ARHGEF3: variants seen among roughly 807,000 people sequenced by gnomAD.
ARHGEF3 encodes the protein 59.8 kDA protein.
Under a neutral mutation model 63.2 loss-of-function variants are expected in ARHGEF3, and 28 were observed. The observed-to-expected ratio is 0.44, with a 90% confidence interval of 0.33 to 0.61. The LOEUF is 0.61. ARHGEF3 is among the 20% of genes least tolerant of loss of function. ARHGEF3 has a pLI of 0.03. For synonymous variants in ARHGEF3, 266 were observed against 254.2 expected (o/e 1.05, Z -0.44); for missense variants, 533 against 659.3 (o/e 0.81, Z 2.10).
intron 2 of ARHGEF3, among the ~76,000 whole-genome samples, chr3:57,012,027 T>G (rs1005222326): frequency 6.6e-6 from 1 of 152,078 alleles, no homozygotes; most frequent in African/African-American, 2.4e-5. Context: ...AAGAGGGACA[T>G]GTGCCTTCTG....
At chr3:56,771,700 G>A (rs111770170) in intron 2 of ARHGEF3, among the ~76,000 whole-genome samples, 1 of 152,336 alleles carries the variant, frequency 6.6e-6, no homozygotes, top group Non-Finnish European at 1.5e-5. Context: ...AATGCCTGAT[G>A]AGGATTCACT....
intron 2 of ARHGEF3, chr3:56,977,133 G>C (rs560085562): frequency 7.3e-6 from 3 of 411,018 alleles, no homozygotes; most frequent in Non-Finnish European, 1.5e-5. Context: ...AGCTACTAAA[G>C]GGTAAGGCCA....
At chr3:56,901,500 T>A (rs2041507608) in intron 3 of ARHGEF3, among the ~76,000 whole-genome samples, 1 of 151,900 alleles carries the variant, frequency 6.6e-6, no homozygotes, top group Non-Finnish European at 1.5e-5. Context: ...TTCTATTAAG[T>A]CATTGTGAAC....
chr3:56,909,398 C>T (rs2041793624), intron 3 of ARHGEF3, among the ~76,000 whole-genome samples: 1 of 152,192 alleles, frequency 6.6e-6, no homozygotes, highest in Non-Finnish European at 1.5e-5. Context: ...TGAACCTGTG[C>T]TTGGCTGGTG....
intron 3 of ARHGEF3, among the ~76,000 whole-genome samples, chr3:56,945,479 C>A (rs184517780): frequency 9.2e-5 from 14 of 152,298 alleles, no homozygotes; most frequent in Admixed American, 2.0e-4. Flanking sequence ...TATCCTGTGC[C>A]TGGCTTGGAG....
rs552110409 is a variant in ARHGEF3, at chr3:56,826,192, A to C, written c.193-52376T>G. 2.0e-5 allele frequency among the ~76,000 whole-genome samples: 3 copies of C among 152,322 alleles called. No individual in the cohort carries two copies. The South Asian group carries it at 6.2e-4, about 32-fold the overall frequency. On this transcript the variant is annotated intron_variant, in intron 4 of 12. Coordinates refer to the ARHGEF3 transcript ENST00000338458. ...TGAGGAGAAAAAGAGATTCCTAAGC[A>C]AAAATAAGCACCTGGATCCAGCCAT...
chr3:57,027,519 G>C (rs898320074), intron 2 of ARHGEF3, among the ~76,000 whole-genome samples: 1 of 152,152 alleles, frequency 6.6e-6, no homozygotes, highest in East Asian at 1.9e-4. Flanking sequence ...AAGAACAGGT[G>C]GGGTGGTGAG....
intron 4 of ARHGEF3, among the ~76,000 whole-genome samples, chr3:56,815,767 G>T (rs2038247149): frequency 6.6e-6 from 1 of 152,156 alleles, no homozygotes; most frequent in Non-Finnish European, 1.5e-5. Context: ...CTTCCTACAG[G>T]CCTGTTATGA....
chr3:56,926,344 C>G (rs903965418), intron 3 of ARHGEF3, among the ~76,000 whole-genome samples: 1 of 152,180 alleles, frequency 6.6e-6, no homozygotes, highest in African/African-American at 2.4e-5. Context: ...AGTTCCAACT[C>G]CACCCTGCAG....
chr3:57,006,921 A>T (rs74514790), intron 2 of ARHGEF3, among the ~76,000 whole-genome samples: 3,399 of 152,104 alleles, frequency 0.022, 113 homozygotes, highest in African/African-American at 0.076. Context: ...CTGCTTAGGG[A>T]TCTTTAAGCC....
chr3:56,969,104 G>C (rs1700793624), intron 2 of ARHGEF3, among the ~76,000 whole-genome samples: 1 of 152,116 alleles, frequency 6.6e-6, no homozygotes, highest in Admixed American at 6.6e-5. Context: ...TACTACATCT[G>C]TAAATACCAA....
chr3:56,868,377 GAGA>G (rs2040327169), intron 4 of ARHGEF3, among the ~76,000 whole-genome samples: 1 of 129,168 alleles, frequency 7.7e-6, no homozygotes, highest in Non-Finnish European at 1.6e-5. Flanking sequence ...TTTTTTTTTC[GAGA>G]CAGAGTCTCG....
chr3:56,989,688 C>T (rs1459242010), intron 2 of ARHGEF3, among the ~76,000 whole-genome samples: 2 of 152,288 alleles, frequency 1.3e-5, no homozygotes, highest in Admixed American at 1.3e-4. Flanking sequence ...ACAGCTGGGG[C>T]CCTCGTGGAT....
chr3:57,020,481 G>T (rs1703211136), intron 2 of ARHGEF3, among the ~76,000 whole-genome samples: 1 of 152,174 alleles, frequency 6.6e-6, no homozygotes, highest in African/African-American at 2.4e-5. Flanking sequence ...TTCAGATGAG[G>T]CTGACTCCAT....
At chr3:56,758,515 A>G (rs928756002) in intron 2 of ARHGEF3, among the ~76,000 whole-genome samples, 2 of 152,218 alleles carry the variant, frequency 1.3e-5, no homozygotes, top group Non-Finnish European at 2.9e-5. Flanking sequence ...GGGTATTACC[A>G]CAACCTTCTG....
At chr3:57,018,325 T>G (rs1376170650) in intron 2 of ARHGEF3, among the ~76,000 whole-genome samples, 1 of 148,692 alleles carries the variant, frequency 6.7e-6, no homozygotes, top group Non-Finnish European at 1.5e-5. Context: ...GGAATATAGA[T>G]CAATTTGTTA....
intron 2 of ARHGEF3, among the ~76,000 whole-genome samples, chr3:56,760,941 GA>G (rs570851306): frequency 2.4e-4 from 36 of 152,278 alleles, no homozygotes; most frequent in African/African-American, 7.9e-4. Flanking sequence ...GAAGGGACTG[GA>G]TGTTGAAAGA....
chr3:57,014,142 C>G (rs544961702), intron 2 of ARHGEF3, among the ~76,000 whole-genome samples: 37 of 152,178 alleles, frequency 2.4e-4, no homozygotes, highest in African/African-American at 8.4e-4. Context: ...TAACACTCAG[C>G]GGGAAGGTTT....
At chr3:56,853,169 G>A (rs1200429002) in intron 4 of ARHGEF3, among the ~76,000 whole-genome samples, 1 of 150,294 alleles carries the variant, frequency 6.7e-6, no homozygotes, top group Non-Finnish European at 1.5e-5. Flanking sequence ...AGAGGTAACA[G>A]AACAGAGGAC....
Sources: gnomAD v4.1 joint callset for allele counts (sites outside exome capture counted in the v4.1 genomes callset) on GRCh38, gnomAD v4.1.1 for gene constraint, MANE v1.5 for transcripts, NCBI Gene and HGNC (gene_info 2026-07-23, HGNC 2026-07-21) for gene names.